CTNNAL1: variants seen among roughly 807,000 people sequenced by gnomAD.
CTNNAL1 encodes the protein catenin alpha like 1, also known as alpha-catulin.
Under a neutral mutation model 93.6 loss-of-function variants are expected in CTNNAL1, and 69 were observed. That is an observed-to-expected ratio of 0.74 (90% CI 0.61 to 0.90). CTNNAL1 has a LOEUF of 0.90. CTNNAL1 is among the 40% of genes least tolerant of loss of function. The pLI, the probability that CTNNAL1 is intolerant of heterozygous loss-of-function variation, is 0.00. For missense variants in CTNNAL1, 836 were observed against 862.0 expected, an observed-to-expected ratio of 0.97 and a Z score of 0.38; for synonymous variants, 286 against 305.4, an observed-to-expected ratio of 0.94 and a Z score of 0.66.
chr9:108,964,995 G>T (rs1195510359), intron 11 of CTNNAL1, among the ~76,000 whole-genome samples: 1 of 152,022 alleles, frequency 6.6e-6, no homozygotes, highest in Non-Finnish European at 1.5e-5. Flanking sequence ...TAGTATCTGG[G>T]ATTACAGGCG....
intron 11 of CTNNAL1, among the ~76,000 whole-genome samples, chr9:108,964,878 T>TTTATTTATTTA (rs1564128908): frequency 6.4e-4 from 77 of 120,378 alleles, no homozygotes; most frequent in Middle Eastern, 4.2e-3. Context: ...TTATTTATTT[T>TTTATTTATTTA]TTGAGACAGA....
At chr9:109,012,726 G>T (rs930714546) in intron 1 of CTNNAL1, among the ~76,000 whole-genome samples, 2 of 152,230 alleles carry the variant, frequency 1.3e-5, no homozygotes, top group African/African-American at 2.4e-5. Context: ...AGGTTCAGGG[G>T]AAGGGGTAGG....
chr9:109,002,704 C>T (rs1286500100), intron 1 of CTNNAL1, among the ~76,000 whole-genome samples: 5 of 151,998 alleles, frequency 3.3e-5, no homozygotes, highest in Admixed American at 1.3e-4. Context: ...TTCTCCATGC[C>T]GTGCATGGTG....
Position 108,979,489 on chromosome 9 carries a change from CA to C in CTNNAL1, c.901-9del, listed in dbSNP as rs746857170. The C allele has an allele frequency of 2.5e-6, 4 of 1,612,548 alleles. No homozygotes were observed. The highest frequency in any genetic ancestry group is 1.7e-6 in the Non-Finnish European group (2 of 1,179,312). ...AAGAGCTTCAATATTCATCTGAGAA[CA>C]AAAAGGACATCTATCCATCCATGTG... is the stretch of plus-strand genomic sequence containing the variant. On this transcript the variant is annotated splice_polypyrimidine_tract_variant and intron_variant, in intron 6 of 18. Transcript: ENST00000325551.
intron 1 of CTNNAL1, among the ~76,000 whole-genome samples, chr9:109,004,617 C>A (rs915933016): frequency 6.6e-6 from 1 of 152,004 alleles, no homozygotes; most frequent in African/African-American, 2.4e-5. Flanking sequence ...GAAATCCCAT[C>A]TCTACTAGAA....
chr9:108,955,288 C>T (rs886852714), intron 12 of CTNNAL1, among the ~76,000 whole-genome samples: 34 of 152,260 alleles, frequency 2.2e-4, no homozygotes, highest in Admixed American at 9.8e-4. Flanking sequence ...GCCCAGCCCA[C>T]AATTTCCAAT....
At chr9:108,988,664 C>T (rs544179566) in intron 4 of CTNNAL1, among the ~76,000 whole-genome samples, 1 of 152,292 alleles carries the variant, frequency 6.6e-6, no homozygotes. Flanking sequence ...TTCCCGTTTG[C>T]TCACTTTGAT....
intron 11 of CTNNAL1, among the ~76,000 whole-genome samples, chr9:108,960,713 G>A (rs911613014): frequency 7.9e-5 from 12 of 152,188 alleles, no homozygotes; most frequent in African/African-American, 2.9e-4. Flanking sequence ...CGCAAGCTCT[G>A]AGATAAGGCT....
At chr9:108,971,653 G>A (rs184062226) in intron 9 of CTNNAL1, among the ~76,000 whole-genome samples, 5 of 152,184 alleles carry the variant, frequency 3.3e-5, no homozygotes, top group Non-Finnish European at 7.4e-5. Flanking sequence ...TTCATTATGA[G>A]GCCTCCTCTG....
chr9:108,999,108 T>C lies in CTNNAL1; in HGVS notation c.290A>G (p.Lys97Arg). Residue 97 changes from lysine to arginine, a missense_variant, in exon 2 of 19, where the codon AAA becomes AGA. By Grantham distance (26) the Lys-to-Arg change is conservative. Transcript: ENST00000325551. ...EAIANENWDL[K>R]EEINIACIEA... ...AATACAAGCAATATTTATTTCTTCT[T>C]TCAAATCCCAGTTTTCATTGGCTAT... is the stretch of plus-strand genomic sequence containing the variant. 1.9e-6 allele frequency: 3 copies of C among 1,610,546 alleles called. No individual in the cohort carries two copies. The highest frequency in any genetic ancestry group is 2.5e-6 in the Non-Finnish European group (3 of 1,179,106).
chr9:108,999,384 G>C lies in CTNNAL1; in HGVS notation c.142-128C>G, dbSNP rs537028020. 1.2e-5 allele frequency: 10 copies of C among 845,150 alleles called. No individual in the cohort carries two copies. In the South Asian group the frequency reaches 1.2e-4, roughly 10 times the overall value. The allele number at this position is 845,150 out of a possible 1,614,324, so 52.4% of individuals were successfully genotyped here. On this transcript the variant is annotated intron_variant, in intron 1 of 18. Transcript: ENST00000325551. Reference sequence around the variant, plus strand: ...ATAGACTAAATCAATAGTTAGAGATGCTTCAACAGAGACAACCAGCAAAGT... The same window carrying C: ...ATAGACTAAATCAATAGTTAGAGATCCTTCAACAGAGACAACCAGCAAAGT...
intron 1 of CTNNAL1, among the ~76,000 whole-genome samples, chr9:109,002,499 G>T (rs1026777974): frequency 6.6e-6 from 1 of 152,188 alleles, no homozygotes; most frequent in African/African-American, 2.4e-5. Flanking sequence ...GTGACAGAAA[G>T]TCACCCTCAT....
chr9:108,997,197 G>GA (rs1375133662), intron 2 of CTNNAL1, among the ~76,000 whole-genome samples: 3 of 151,964 alleles, frequency 2.0e-5, no homozygotes, highest in Non-Finnish European at 2.9e-5. Flanking sequence ...GTCAACCCAG[G>GA]GTCTTCCCTT....
At chr9:108,972,863 G>GCGCCCCCCCCCCCC in intron 8 of CTNNAL1, 30 bp from the exon 9 acceptor site, 1 of 231,686 alleles carries the variant, frequency 4.3e-6, no homozygotes, top group Non-Finnish European at 7.1e-6. Context: ...TGGGGGGGTG[G>GCGCCCCCCCCCCCC]GAGGGTGGAG....
rs1310333561 is a variant in CTNNAL1 at position 108,958,952 on chromosome 9, GA to G, written c.1592-3126del. On this transcript the variant is annotated intron_variant, in intron 11 of 18. Transcript: ENST00000325551. Reference sequence around the variant, plus strand: ...TAATTATTGCCGTTGATTCTAAGCAGAAAAAAAAAAAAAAAGAATAAACTGG... The same window carrying G: ...TAATTATTGCCGTTGATTCTAAGCAGAAAAAAAAAAAAAAGAATAAACTGG... Among the ~76,000 whole-genome samples, 731 of 121,032 alleles carry G rather than the reference GA, an allele frequency of 6.0e-3. 7 individuals are homozygous for G. Among genetic ancestry groups the G allele is most frequent in the South Asian group, 0.027 (102 of 3,816 alleles). 79.4% of individuals were successfully genotyped at this position (121,032 alleles called of 152,430 possible).
At chr9:108,988,369 C>A (rs1831679765) in intron 4 of CTNNAL1, among the ~76,000 whole-genome samples, 1 of 152,064 alleles carries the variant, frequency 6.6e-6, no homozygotes, top group South Asian at 2.1e-4. Flanking sequence ...CAGGCATGAG[C>A]CACCATGCCC....
intron 1 of CTNNAL1, among the ~76,000 whole-genome samples, chr9:109,004,084 G>T (rs12335597): frequency 0.072 from 10,898 of 151,984 alleles, 497 homozygotes; most frequent in East Asian, 0.15. Flanking sequence ...TCTTTCTCTC[G>T]GTTCACCCTA....
At chr9:108,972,864 G>GGGGGGGGGGGGGGGGGGGCCCCCCCCC in intron 8 of CTNNAL1, 31 bp from the exon 9 acceptor site, 6 of 142,562 alleles carry the variant, frequency 4.2e-5, no homozygotes, top group East Asian at 4.4e-4. Context: ...GGGGGGGTGG[G>GGGGGGGGGGGGGGGGGGGCCCCCCCCC]AGGGTGGAGA....
chr9:108,960,432 T>G (rs1325727572), intron 11 of CTNNAL1, among the ~76,000 whole-genome samples: 1 of 152,176 alleles, frequency 6.6e-6, no homozygotes, highest in African/African-American at 2.4e-5. Context: ...CACGAACATG[T>G]TTATCTTCCT....
Sources: allele counts gnomAD v4.1 joint callset (sites outside exome capture counted in the v4.1 genomes callset), GRCh38; gene constraint gnomAD v4.1.1; transcripts MANE v1.5; gene names NCBI Gene and HGNC (gene_info 2026-07-23, HGNC 2026-07-21).